PPP2R2A: variants seen among roughly 807,000 people sequenced by gnomAD.
PPP2R2A encodes the protein protein phosphatase 2 regulatory subunit Balpha, also known as serine/threonine-protein phosphatase 2A 55 kDa regulatory subunit B alpha isoform.
Under a neutral mutation model 53.2 loss-of-function variants are expected in PPP2R2A, and 9 were observed. That is an observed-to-expected ratio of 0.17 (90% CI 0.10 to 0.30). PPP2R2A has a LOEUF of 0.30. Ranked by LOEUF, PPP2R2A falls within the 10% of genes least tolerant of loss-of-function variation. The pLI, the probability that PPP2R2A is intolerant of heterozygous loss-of-function variation, is 1.00. For synonymous variants in PPP2R2A, 169 were observed against 174.2 expected, an observed-to-expected ratio of 0.97 and a Z score of 0.23; for missense variants, 235 against 534.6, an observed-to-expected ratio of 0.44 and a Z score of 5.53.
rs1801518876 is a variant in PPP2R2A at position 26,295,853 on chromosome 8, A to G, written c.82+2113A>G. On this transcript the variant is annotated intron_variant, in intron 2 of 9. Transcript: ENST00000380737. The stretch of plus-strand genomic sequence containing the variant: ...GAGTTTGCATATTATAGTCTTGCTT[A>G]TTTGACTAAGGGGAGATTTGCTTTT... Among the ~76,000 whole-genome samples, 3 of 152,168 alleles carry G rather than the reference A, an allele frequency of 2.0e-5. No individual in the cohort carries two copies. The South Asian group carries it at 6.2e-4, about 32-fold the overall frequency.
At chr8:26,346,586 C>T (rs1369822005) in intron 3 of PPP2R2A, among the ~76,000 whole-genome samples, 2 of 152,194 alleles carry the variant, frequency 1.3e-5, no homozygotes, top group African/African-American at 2.4e-5. Context: ...AGTCTTTCTA[C>T]TTTATTCGTT....
At chr8:26,300,178 A>G (rs949183346) in intron 2 of PPP2R2A, among the ~76,000 whole-genome samples, 2 of 152,222 alleles carry the variant, frequency 1.3e-5, no homozygotes, top group African/African-American at 2.4e-5. Flanking sequence ...ACATTTTGTC[A>G]TGTTATTAAA....
chr8:26,335,861 A>G (rs1315576520), intron 2 of PPP2R2A, among the ~76,000 whole-genome samples: 1 of 152,254 alleles, frequency 6.6e-6, no homozygotes, highest in Non-Finnish European at 1.5e-5. Context: ...TGCTAAACAC[A>G]TAACCACATC....
chr8:26,318,377 A>G (rs931571435), intron 2 of PPP2R2A, among the ~76,000 whole-genome samples: 1 of 152,188 alleles, frequency 6.6e-6, no homozygotes, highest in Non-Finnish European at 1.5e-5. Context: ...ATGGTGTTTG[A>G]TTATATTGAA....
At position 26,291,581 on chromosome 8, in the gene PPP2R2A, T is replaced by TCGC. The variant is rs1160759122; in HGVS notation, c.-229_-227dup. 5.4e-6 allele frequency: 3 copies of TCGC among 552,360 alleles called. No individual in the cohort carries two copies. The highest frequency in any genetic ancestry group is 9.6e-6 in the Non-Finnish European group (3 of 312,922). 34.2% of individuals were successfully genotyped at this position (552,360 alleles called of 1,614,324 possible). On this transcript the variant is annotated 5_prime_UTR_variant, in exon 1 of 10. Coordinates refer to ENST00000380737, the MANE Select transcript of PPP2R2A (RefSeq NM_002717.4). ...GCCGCCGCCGCCGTCGCTGTCGTAG[T>TCGC]CGCCGCCGCCGCTGCCGGAGAAAGA...
intron 2 of PPP2R2A, among the ~76,000 whole-genome samples, chr8:26,304,074 G>A (rs975328631): frequency 5.9e-5 from 9 of 152,168 alleles, no homozygotes; most frequent in African/African-American, 2.2e-4. Context: ...CTTGAGTTAT[G>A]CCTGTGTTTA....
At chr8:26,293,244 G>A (rs1310309406) in intron 1 of PPP2R2A, 1 of 1,535,798 alleles carries the variant, frequency 6.5e-7, no homozygotes, top group East Asian at 2.4e-5. Context: ...TACCCAGGCA[G>A]TAATGTTCCC....
At position 26,354,586 on chromosome 8, in the gene PPP2R2A, G is replaced by A. The variant is rs1804677036; in HGVS notation, c.299G>A (p.Arg100Lys). The A allele has an allele frequency of 6.2e-7, 1 of 1,609,662 alleles. No individual in the cohort carries two copies. Among genetic ancestry groups the A allele is most frequent in the South Asian group, 1.1e-5 (1 of 90,354 alleles). Residue 100 changes from arginine to lysine, a missense_variant, in exon 4 of 10, where the codon AGG becomes AAG. Transcript: ENST00000380737. The surrounding 1 kb of genome is among the most constrained non-coding windows in gnomAD (Gnocchi z 4.6). ...LEIEEKINKIRWLPQKNAAQF... is the reference protein window; with the variant it reads ...LEIEEKINKIKWLPQKNAAQF... ...ATAGAAGAAAAGATCAACAAAATTAGGTGGTTACCCCAGAAAAATGCTGCT... is the reference window on the plus strand; with the variant it reads ...ATAGAAGAAAAGATCAACAAAATTAAGTGGTTACCCCAGAAAAATGCTGCT...
At position 26,362,574 on chromosome 8, in the gene PPP2R2A, C is replaced by A; in HGVS notation, c.638-110C>A. The A allele has an allele frequency of 1.0e-6, 1 of 996,076 alleles. No individual in the cohort carries two copies. Among genetic ancestry groups the A allele is most frequent in the Non-Finnish European group, 1.5e-6 (1 of 684,702 alleles). 61.7% of individuals were successfully genotyped at this position (996,076 alleles called of 1,614,324 possible). A position where few individuals can be genotyped will look rare whatever the true frequency, so the allele number is the denominator to read the frequency against. ...CTCATAAAAACAGTGGAGTGCAATT[C>A]AGAATTAATATTTTTGCTTAGGTCC... On this transcript the variant is annotated intron_variant, in intron 6 of 9. Coordinates refer to ENST00000380737, the MANE Select transcript of PPP2R2A (RefSeq NM_002717.4). The surrounding 1 kb of genome is among the most constrained non-coding windows in gnomAD (Gnocchi z 4.4).
chr8:26,368,591 T>C (rs1368036625), intron 9 of PPP2R2A, among the ~76,000 whole-genome samples: 1 of 152,194 alleles, frequency 6.6e-6, no homozygotes, highest in Non-Finnish European at 1.5e-5. Flanking sequence ...GATGTTCTGT[T>C]AAGAAAATAT....
intron 1 of PPP2R2A, 157 bp from the exon 2 acceptor site, chr8:26,293,509 G>A: frequency 1.4e-6 from 1 of 731,930 alleles, no homozygotes; most frequent in East Asian, 2.7e-5. Flanking sequence ...CAAGTATTGG[G>A]GACTAACCTC....
intron 2 of PPP2R2A, among the ~76,000 whole-genome samples, chr8:26,313,030 ATTTCTTTTT>A (rs1025571478): frequency 1.4e-5 from 2 of 147,188 alleles, no homozygotes; most frequent in African/African-American, 5.0e-5. Flanking sequence ...TTATTTTCAT[ATTTCTTTTT>A]TTTCTTTTTT....
At chr8:26,328,671 T>TA (rs1803215431) in intron 2 of PPP2R2A, among the ~76,000 whole-genome samples, 1 of 152,224 alleles carries the variant, frequency 6.6e-6, no homozygotes, top group Non-Finnish European at 1.5e-5. Flanking sequence ...TGATACATCG[T>TA]AGACCATATT....
Position 26,363,383 on chromosome 8 carries a change from TTC to T in PPP2R2A, c.803-335_803-334del, listed in dbSNP as rs532241702. On this transcript the variant is annotated intron_variant, in intron 7 of 9. Transcript: ENST00000380737. ...TTTGGGATGGGCGAGGATGGTGTGT[TTC>T]TCATGGTGATGATACAGGCAGTCAG... The T allele has an allele frequency of 3.6e-3, 690 of 193,348 alleles. 4 individuals are homozygous for T. The highest frequency in any genetic ancestry group is 0.015 in the African/African-American group (657 of 43,092). 12.0% of individuals were successfully genotyped at this position (193,348 alleles called of 1,614,324 possible).
chr8:26,353,540 T>G (rs549658925), intron 3 of PPP2R2A, among the ~76,000 whole-genome samples: 1 of 152,364 alleles, frequency 6.6e-6, no homozygotes, highest in South Asian at 2.1e-4. Context: ...TTCTATTTTT[T>G]ACTTAAACTT....
intron 2 of PPP2R2A, among the ~76,000 whole-genome samples, chr8:26,309,628 T>A (rs1802184127): frequency 6.6e-6 from 1 of 152,192 alleles, no homozygotes. Flanking sequence ...TAGTTGACTT[T>A]GAAAATCTGT....
At chr8:26,329,075 T>C (rs1803236782) in intron 2 of PPP2R2A, among the ~76,000 whole-genome samples, 1 of 152,154 alleles carries the variant, frequency 6.6e-6, no homozygotes, top group South Asian at 2.1e-4. Context: ...ATCTTAAATA[T>C]TTACATATTT....
chr8:26,302,231 A>G (rs1363787558), intron 2 of PPP2R2A, among the ~76,000 whole-genome samples: 4 of 152,272 alleles, frequency 2.6e-5, no homozygotes, highest in Non-Finnish European at 4.4e-5. Context: ...CTGATACTTC[A>G]GTGTACAGTG....
At chr8:26,337,032 T>G (rs1389830323) in intron 2 of PPP2R2A, among the ~76,000 whole-genome samples, 2 of 152,100 alleles carry the variant, frequency 1.3e-5, no homozygotes, top group Non-Finnish European at 2.9e-5. Flanking sequence ...GAGTTGTAAT[T>G]AATTTAGGTG....
Sources: gnomAD v4.1 joint callset for allele counts (sites outside exome capture counted in the v4.1 genomes callset) on GRCh38, gnomAD v4.1.1 for gene constraint, Gnocchi (gnomAD v3.1) non-coding constraint, MANE v1.5 for transcripts, NCBI Gene and HGNC (gene_info 2026-07-23, HGNC 2026-07-21) for gene names.